Variants in CACNB2 observed in about 807,000 individuals in gnomAD.
CACNB2 encodes calcium voltage-gated channel auxiliary subunit beta 2.
A neutral mutation model predicts 73.3 loss-of-function variants in CACNB2; 42 were observed. The observed-to-expected ratio is 0.57, with a 90% confidence interval of 0.45 to 0.74. The LOEUF is 0.74. Ranked by LOEUF, CACNB2 falls within the 30% of genes least tolerant of loss-of-function variation. The pLI, the probability that CACNB2 is intolerant of heterozygous loss-of-function variation, is 0.00. For synonymous variants in CACNB2, 348 were observed against 310.3 expected, an observed-to-expected ratio of 1.12 and a Z score of -1.28; for missense variants, 940 against 853.0, an observed-to-expected ratio of 1.10 and a Z score of -1.27.
intron 2 of CACNB2, among the ~76,000 whole-genome samples, chr10:18,294,990 C>T (rs567502381): frequency 5.4e-4 from 83 of 152,324 alleles, no homozygotes; most frequent in African/African-American, 2.0e-3. Flanking sequence ...AGACGCCCAT[C>T]TCATCACCCT....
chr10:18,410,064 C>T (rs936966504), intron 3 of CACNB2, among the ~76,000 whole-genome samples: 1 of 152,100 alleles, frequency 6.6e-6, no homozygotes, highest in African/African-American at 2.4e-5. Flanking sequence ...CATACTTCAT[C>T]CTTCAGAGGT....
chr10:18,410,497 G>A (rs1412349664), intron 3 of CACNB2, among the ~76,000 whole-genome samples: 1 of 150,140 alleles, frequency 6.7e-6, no homozygotes, highest in African/African-American at 2.5e-5. Context: ...TCAGCCTGAA[G>A]ATAGTTTATT....
intron 2 of CACNB2, among the ~76,000 whole-genome samples, chr10:18,265,578 C>A (rs1211720068): frequency 6.6e-6 from 1 of 152,172 alleles, no homozygotes; most frequent in Non-Finnish European, 1.5e-5. Flanking sequence ...TCATTAAAGA[C>A]AAATGTTACT....
chr10:18,360,865 C>G (rs1009860951), intron 2 of CACNB2, among the ~76,000 whole-genome samples: 1 of 152,212 alleles, frequency 6.6e-6, no homozygotes, highest in Admixed American at 6.5e-5. Context: ...CTATCCTTAG[C>G]TGCAAAACCA....
At position 18,439,601 on chromosome 10, in the gene CACNB2, G is replaced by A. The variant is rs149224314; in HGVS notation, c.333+37558G>A. Among the ~76,000 whole-genome samples, 209 of 152,244 alleles carry A rather than the reference G, an allele frequency of 1.4e-3. 1 individual carries two copies. Among genetic ancestry groups the A allele is most frequent in the African/African-American group, 4.8e-3 (201 of 41,538 alleles). Reference sequence around the variant, plus strand: ...GGAGACATTAATTTCCCCACCTCCCGCTATCACCTTTGAAATCATGCTCTA... The same window carrying A: ...GGAGACATTAATTTCCCCACCTCCCACTATCACCTTTGAAATCATGCTCTA... On this transcript the variant is annotated intron_variant, in intron 3 of 13. Transcript: ENST00000324631.
At chr10:18,346,296 C>T (rs536744442) in intron 2 of CACNB2, among the ~76,000 whole-genome samples, 3 of 152,192 alleles carry the variant, frequency 2.0e-5, no homozygotes, top group South Asian at 2.1e-4. Context: ...CCCGCCACCA[C>T]GCCTGGCTAA....
intron 6 of CACNB2, chr10:18,513,217 C>G (rs1469478371): frequency 6.5e-6 from 1 of 153,452 alleles, no homozygotes; most frequent in East Asian, 2.0e-4. Context: ...CGTCACAATC[C>G]GACTGAGAAA....
chr10:18,426,599 G>A (rs2045610038), intron 3 of CACNB2, among the ~76,000 whole-genome samples: 1 of 152,132 alleles, frequency 6.6e-6, no homozygotes, highest in Non-Finnish European at 1.5e-5. Context: ...TAGCAATTTT[G>A]GAGGCCAAGG....
At chr10:18,315,660 C>T (rs1048319486) in intron 2 of CACNB2, among the ~76,000 whole-genome samples, 3 of 151,496 alleles carry the variant, frequency 2.0e-5, no homozygotes, top group African/African-American at 7.3e-5. Context: ...TGCCACTGCA[C>T]TCCAACCTGT....
intron 2 of CACNB2, among the ~76,000 whole-genome samples, chr10:18,238,228 A>C (rs899708146): frequency 3.9e-5 from 6 of 152,176 alleles, no homozygotes; most frequent in Non-Finnish European, 8.8e-5. Context: ...CCATGATTAA[A>C]GTCTGTTTTG....
chr10:18,197,580 G>A (rs1472823457), intron 2 of CACNB2, among the ~76,000 whole-genome samples: 5 of 152,154 alleles, frequency 3.3e-5, no homozygotes, highest in African/African-American at 1.2e-4. Flanking sequence ...CATCCAAAGT[G>A]CATCTTAAGA....
intron 4 of CACNB2, among the ~76,000 whole-genome samples, chr10:18,500,578 G>A (rs896075997): frequency 7.2e-5 from 11 of 152,132 alleles, no homozygotes; most frequent in African/African-American, 2.7e-4. Flanking sequence ...AATTCAGCCT[G>A]GTCCTACGGC....
At chr10:18,236,668 A>T (rs1265677763) in intron 2 of CACNB2, among the ~76,000 whole-genome samples, 3 of 152,128 alleles carry the variant, frequency 2.0e-5, no homozygotes, top group Admixed American at 1.3e-4. Flanking sequence ...TTGTGTTATT[A>T]AAAAAAGTAG....
intron 3 of CACNB2, among the ~76,000 whole-genome samples, chr10:18,471,610 G>T (rs938217125): frequency 6.6e-6 from 1 of 152,098 alleles, no homozygotes; most frequent in African/African-American, 2.4e-5. Flanking sequence ...TCTAAAATTG[G>T]AGCAGAAATT....
In CACNB2 at chr10:18,536,275, G is replaced by GTTTTTTTTTTTTTTTTTTTTTTTTTTTTT. The variant is rs2053587888; in HGVS notation, c.1302+79_1302+80insTTTTTTTTTTTTTTTTTTTTTTTTTTTTT. 43 of 92,506 alleles carry GTTTTTTTTTTTTTTTTTTTTTTTTTTTTT rather than the reference G, an allele frequency of 4.6e-4. 6 individuals are homozygous for GTTTTTTTTTTTTTTTTTTTTTTTTTTTTT. The highest frequency in any genetic ancestry group is 1.8e-3 in the African/African-American group (18 of 10,158). The allele number at this position is 92,506 out of a possible 1,614,324, so 5.7% of individuals were successfully genotyped here. A position where few individuals can be genotyped will look rare whatever the true frequency, so the allele number is the denominator to read the frequency against. ...TTTTTTTTTTTTTTTTTTTTTTTTG[G>GTTTTTTTTTTTTTTTTTTTTTTTTTTTTT]GGGACAAGGTCTTGCTCTGTTGCCC... On this transcript the variant is annotated intron_variant, in intron 12 of 13. Coordinates refer to ENST00000324631, the MANE Select transcript of CACNB2 (RefSeq NM_201596.3).
At chr10:18,234,099 G>C (rs12146379) in intron 2 of CACNB2, 18,767 of 152,198 alleles carry the variant, frequency 0.12, 3,101 homozygotes, top group African/African-American at 0.38. Context: ...ATGTCCTGGC[G>C]TTAGAGGCTG....
intron 2 of CACNB2, among the ~76,000 whole-genome samples, chr10:18,236,531 G>A (rs2036453410): frequency 6.6e-6 from 1 of 152,160 alleles, no homozygotes. Context: ...CAAGAGCAAG[G>A]GGCCACCTTC....
At chr10:18,147,088 C>A (rs1302773666) in intron 1 of CACNB2, among the ~76,000 whole-genome samples, 1 of 152,212 alleles carries the variant, frequency 6.6e-6, no homozygotes, top group Non-Finnish European at 1.5e-5. Context: ...CTGACAACTT[C>A]TGTAATTAAT....
intron 9 of CACNB2, among the ~76,000 whole-genome samples, chr10:18,522,913 A>G (rs2052065987): frequency 7.4e-6 from 1 of 135,846 alleles, no homozygotes; most frequent in Non-Finnish European, 1.6e-5. Flanking sequence ...AAAAAAAAAA[A>G]GTGATCAGGC....
Sources: gnomAD v4.1 joint callset for allele counts (sites outside exome capture counted in the v4.1 genomes callset) on GRCh38, gnomAD v4.1.1 for gene constraint, MANE v1.5 for transcripts, NCBI Gene and HGNC (gene_info 2026-07-23, HGNC 2026-07-21) for gene names.